Variants in WRAP73 observed in about 807,000 individuals in gnomAD.
WRAP73 encodes WD repeat-containing protein WRAP73.
A neutral mutation model predicts 59.6 loss-of-function variants in WRAP73; 55 were observed. The observed-to-expected ratio is 0.92, with a 90% CI of 0.74 to 1.15. The LOEUF is 1.15. WRAP73 is among the 50% of genes most tolerant of loss of function. WRAP73 has a pLI of 0.00. For synonymous variants in WRAP73, 265 were observed against 258.2 expected (o/e 1.03, Z -0.25); for missense variants, 592 against 608.1 (o/e 0.97, Z 0.28).
chr1:3,637,825 C>T (rs1050115051), intron 4 of WRAP73, among the ~76,000 whole-genome samples: 2 of 152,008 alleles, frequency 1.3e-5, no homozygotes, highest in Non-Finnish European at 2.9e-5. Context: ...CAGAGCAAGA[C>T]CCTGTCTCAA....
In WRAP73 at chr1:3,637,005, T is replaced by C; in HGVS notation, c.506A>G (p.Gln169Arg). 6.2e-7 allele frequency: 1 copy of C among 1,613,678 alleles called. No individual in the cohort carries two copies. The part of the protein sequence containing the change: ...YVSIFVCSDW[Q>R]LLRHFDTDTQ... ...TGGGGGACGCCTTACCCGCAGGAGCTGCCAATCACTGCAGACGAAGATGCT... is the reference window on the plus strand; with the variant it reads ...TGGGGGACGCCTTACCCGCAGGAGCCGCCAATCACTGCAGACGAAGATGCT... Residue 169 changes from glutamine (Q) to arginine (R), a missense_variant, in exon 5 of 12, where the codon CAG becomes CGG. Coordinates refer to ENST00000270708, the MANE Select transcript of WRAP73 (RefSeq NM_017818.4).
At chr1:3,641,672 A>T (rs1644647945) in intron 3 of WRAP73, among the ~76,000 whole-genome samples, 1 of 152,226 alleles carries the variant, frequency 6.6e-6, no homozygotes, top group South Asian at 2.1e-4. Flanking sequence ...GGCGGCAATG[A>T]CGTGCAAAGT....
chr1:3,647,597 C>T (rs904840971), intron 1 of WRAP73, 37 bp from the exon 2 acceptor site: 2 of 1,601,168 alleles, frequency 1.2e-6, no homozygotes, highest in Non-Finnish European at 1.7e-6. Flanking sequence ...TGACATTCTC[C>T]ACTCCAAAAG....
At chr1:3,647,889 G>T (rs760253724) in intron 1 of WRAP73, among the ~76,000 whole-genome samples, 95 of 152,318 alleles carry the variant, frequency 6.2e-4, no homozygotes, top group Non-Finnish European at 8.8e-4. Flanking sequence ...AAGTAGCATT[G>T]GGAGAAAGCT....
chr1:3,650,080 C>T lies in WRAP73; in HGVS notation c.-81G>A, dbSNP rs566726466. ...GCGCGCAGCAGGCTGCAACAGCCGA[C>T]GCCGGCCTCCGAGGCCGGAAGTCAG... On this transcript the variant is annotated 5_prime_UTR_variant, in exon 1 of 12. Transcript: ENST00000270708. 3.2e-4 allele frequency: 447 copies of T among 1,401,676 alleles called. 2 individuals carry two copies. The Middle Eastern group carries it at 4.0e-3, about 12-fold the overall frequency. 86.8% of individuals were successfully genotyped at this position (1,401,676 alleles called of 1,614,324 possible). A position where few individuals can be genotyped will look rare whatever the true frequency, so the allele number is the denominator to read the frequency against.
chr1:3,634,274 G>C (rs1264140385), intron 8 of WRAP73: 6 of 154,200 alleles, frequency 3.9e-5, no homozygotes, highest in Non-Finnish European at 7.2e-5. Context: ...GGCTGATCTG[G>C]CATGCGCAGC....
chr1:3,635,381 G>A, intron 6 of WRAP73, 87 bp from the exon 7 acceptor site: 1 of 1,563,838 alleles, frequency 6.4e-7, no homozygotes, highest in East Asian at 2.3e-5. Flanking sequence ...AGTGACATTG[G>A]TGCAGATAGC....
chr1:3,637,313 T>C (rs1644598368), intron 4 of WRAP73, among the ~76,000 whole-genome samples: 1 of 152,194 alleles, frequency 6.6e-6, no homozygotes, highest in African/African-American at 2.4e-5. Flanking sequence ...CAACGCAGTG[T>C]GTGCTGGGGG....
At chr1:3,644,718 A>C (rs1644673688) in intron 3 of WRAP73, among the ~76,000 whole-genome samples, 1 of 152,190 alleles carries the variant, frequency 6.6e-6, no homozygotes, top group African/African-American at 2.4e-5. Flanking sequence ...ATCTAAATGT[A>C]CTCTATGAAA....
At chr1:3,644,677 T>C (rs1355878945) in intron 3 of WRAP73, among the ~76,000 whole-genome samples, 2 of 152,226 alleles carry the variant, frequency 1.3e-5, no homozygotes, top group African/African-American at 2.4e-5. Flanking sequence ...AGCAAAGTGG[T>C]CATGACCTTA....
At position 3,637,021 on chromosome 1, in the gene WRAP73, C is replaced by G. The variant is rs138221132; in HGVS notation, c.490G>C (p.Val164Leu). ...RDCKDYVSIFVCSDWQLLRHF... is the reference protein window; with the variant it reads ...RDCKDYVSIFLCSDWQLLRHF... ...CGCAGGAGCTGCCAATCACTGCAGA[C>G]GAAGATGCTCACGTAATCTTTGCAG... Residue 164 changes from valine to leucine, a missense_variant, in exon 5 of 12, where the codon GTC becomes CTC. Transcript: ENST00000270708. The G allele has an allele frequency of 1.2e-6, 2 of 1,613,760 alleles. No individual in the cohort carries two copies. Among genetic ancestry groups the G allele is most frequent in the Non-Finnish European group, 1.7e-6 (2 of 1,180,002 alleles).
intron 6 of WRAP73, 153 bp from the exon 7 acceptor site, chr1:3,635,447 T>TTTCC: frequency 1.0e-6 from 1 of 996,654 alleles, no homozygotes; most frequent in Non-Finnish European, 1.5e-6. Flanking sequence ...TGCCAGCTAG[T>TTTCC]ACTGAGATAG....
chr1:3,650,027 T>C lies in WRAP73; in HGVS notation c.-28A>G, dbSNP rs1301377742. 1 of 1,576,946 alleles carries C rather than the reference T, an allele frequency of 6.3e-7. No individual in the cohort carries two copies. Among genetic ancestry groups the C allele is most frequent in the Non-Finnish European group, 8.6e-7 (1 of 1,164,358 alleles). ...CCGCCGCCTGCCGCGGGCGCCACCC[T>C]GCGCCCGAAAACCCGCGGGACCCCT... On this transcript the variant is annotated 5_prime_UTR_variant, in exon 1 of 12. Coordinates refer to ENST00000270708, the MANE Select transcript of WRAP73 (RefSeq NM_017818.4).
chr1:3,641,400 C>A (rs1451930339), intron 3 of WRAP73, among the ~76,000 whole-genome samples: 2 of 152,054 alleles, frequency 1.3e-5, no homozygotes, highest in East Asian at 3.9e-4. Flanking sequence ...CTCTCCACAC[C>A]ATGACCCAGC....
chr1:3,640,537 CATCA>C lies in WRAP73; in HGVS notation c.340-1719_340-1716del, dbSNP rs1644632133. On this transcript the variant is annotated intron_variant, in intron 3 of 11. Transcript: ENST00000270708. Reference sequence around the variant, plus strand: ...GGGGTGCAGCGCCCGAGGCTCTGAGCATCAGCAGGGCGGGGTGCAGCGCCCGAGG... The same window carrying C: ...GGGGTGCAGCGCCCGAGGCTCTGAGCGCAGGGCGGGGTGCAGCGCCCGAGG... Among the ~76,000 whole-genome samples the C allele has an allele frequency of 3.2e-5, 4 of 125,428 alleles. 1 individual carries two copies. The highest frequency in any genetic ancestry group is 1.4e-4 in the African/African-American group (4 of 27,922). 82.3% of individuals were successfully genotyped at this position (125,428 alleles called of 152,430 possible). A position where few individuals can be genotyped will look rare whatever the true frequency, so the allele number is the denominator to read the frequency against.
chr1:3,631,737 G>C lies in WRAP73; in HGVS notation c.1049-80C>G, dbSNP rs1644536658. 3 of 1,517,604 alleles carry C rather than the reference G, an allele frequency of 2.0e-6. No homozygotes were observed. In the Admixed American group the frequency reaches 5.7e-5, roughly 29 times the overall value. 94.0% of individuals were successfully genotyped at this position (1,517,604 alleles called of 1,614,324 possible). A position where few individuals can be genotyped will look rare whatever the true frequency, so the allele number is the denominator to read the frequency against. On this transcript the variant is annotated intron_variant, in intron 10 of 11. Coordinates refer to ENST00000270708, the MANE Select transcript of WRAP73 (RefSeq NM_017818.4). Reference sequence around the variant, plus strand: ...GGCCCTGCCCCTCTGCTCTGCTGTTGACACCACAGGAGGGGAGGGGAAGAA... The same window carrying C: ...GGCCCTGCCCCTCTGCTCTGCTGTTCACACCACAGGAGGGGAGGGGAAGAA...
Position 3,646,707 on chromosome 1 carries a change from T to C in WRAP73, c.298A>G (p.Ser100Gly), listed in dbSNP as rs775535070. The change falls in exon 3 of 12, where the codon AGC (serine) becomes GGC (glycine). Residue 100 changes from serine (S) to glycine (G), a missense_variant. Ser to Gly is a moderately conservative substitution (Grantham distance 56). Coordinates refer to ENST00000270708, the MANE Select transcript of WRAP73 (RefSeq NM_017818.4). The surrounding 1 kb of genome is among the most constrained non-coding windows in gnomAD (Gnocchi z 5.1). ...GSAGLVASCW[S>G]PDGRHILNTT... ...TTGAGAATGTGGCGCCCGTCCGGGC[T>C]CCAGCACGAGGCCACCAGCCCGGCT... The C allele has an allele frequency of 6.2e-6, 10 of 1,608,138 alleles. No homozygotes were observed. The highest frequency in any genetic ancestry group is 7.7e-6 in the Non-Finnish European group (9 of 1,175,740).
In WRAP73 at chr1:3,636,042, AG is replaced by A. The variant is rs200699124; in HGVS notation, c.517-13del. 3,309 of 1,606,270 alleles carry A rather than the reference AG, an allele frequency of 2.1e-3. 72 individuals carry two copies. In the African/African-American group the frequency reaches 0.038, roughly 18 times the overall value. ...TCCGTATCAAAATGCTTCCAAAGGA[AG>A]GGGGGGAAACATTAAATTTGGAAAA... On this transcript the variant is annotated splice_polypyrimidine_tract_variant and intron_variant, in intron 5 of 11. Transcript: ENST00000270708.
At chr1:3,632,119 AC>A (rs1644541331) in intron 10 of WRAP73, 93 bp downstream of exon 10, 2 of 1,515,154 alleles carry the variant, frequency 1.3e-6, no homozygotes, top group East Asian at 4.6e-5. Context: ...CGTGTCGGAA[AC>A]CCCCAACTTC....
Sources: allele counts gnomAD v4.1 joint callset (sites outside exome capture counted in the v4.1 genomes callset), GRCh38; gene constraint gnomAD v4.1.1; non-coding constraint Gnocchi (gnomAD v3.1); transcripts MANE v1.5; gene names NCBI Gene and HGNC (gene_info 2026-07-23, HGNC 2026-07-21).